Variants in LIPK observed in about 807,000 individuals in gnomAD.
The protein encoded by LIPK is lipase family member K.
In LIPK, 32 loss-of-function variants were observed where a neutral mutation model predicts 48.6. The observed-to-expected ratio is 0.66, with a 90% CI of 0.50 to 0.88. The LOEUF is 0.88. Ranked by LOEUF, LIPK falls within the 40% of genes least tolerant of loss-of-function variation. The pLI, the probability that LIPK is intolerant of heterozygous loss-of-function variation, is 0.00. For missense variants in LIPK, 507 were observed against 478.5 expected, an observed-to-expected ratio of 1.06 and a Z score of -0.56; for synonymous variants, 164 against 157.4, an observed-to-expected ratio of 1.04 and a Z score of -0.32.
intron 1 of LIPK, among the ~76,000 whole-genome samples, chr10:88,714,075 G>A (rs146688616): frequency 6.6e-6 from 1 of 152,044 alleles, no homozygotes; most frequent in East Asian, 1.9e-4. Context: ...CCAGTATCAC[G>A]GTAAATGGAG....
At chr10:88,734,354 G>A (rs1053337981) in intron 6 of LIPK, among the ~76,000 whole-genome samples, 1 of 152,140 alleles carries the variant, frequency 6.6e-6, no homozygotes, top group Non-Finnish European at 1.5e-5. Flanking sequence ...ACATTGAAGT[G>A]GTGAAGCTCA....
intron 7 of LIPK, among the ~76,000 whole-genome samples, chr10:88,738,536 C>T (rs1029910757): frequency 2.0e-5 from 3 of 152,188 alleles, no homozygotes; most frequent in Admixed American, 6.5e-5. Context: ...TAGCCATTGC[C>T]TTTCTATGTT....
intron 1 of LIPK, among the ~76,000 whole-genome samples, chr10:88,719,390 T>C (rs1363421411): frequency 6.6e-6 from 1 of 152,240 alleles, no homozygotes; most frequent in Non-Finnish European, 1.5e-5. Context: ...ACTGGGAAGC[T>C]AGTGATGGAG....
chr10:88,745,659 C>T (rs1351078205), intron 9 of LIPK, among the ~76,000 whole-genome samples: 3 of 152,120 alleles, frequency 2.0e-5, no homozygotes, highest in Non-Finnish European at 4.4e-5. Context: ...AGACTGGTAC[C>T]AGATACTACA....
intron 2 of LIPK, among the ~76,000 whole-genome samples, chr10:88,725,651 C>T (rs1842322580): frequency 6.6e-6 from 1 of 152,148 alleles, no homozygotes; most frequent in Non-Finnish European, 1.5e-5. Flanking sequence ...TGTTAATCTA[C>T]CTGAACATAA....
chr10:88,741,760 A>C (rs389089), intron 8 of LIPK, among the ~76,000 whole-genome samples: 147,003 of 152,236 alleles, frequency 0.97, 71,009 homozygotes, highest in East Asian at 1. Context: ...ATAGGTGTTA[A>C]CATAATCTTC....
At position 88,740,059 on chromosome 10, in the gene LIPK, T is replaced by C; in HGVS notation, c.880T>C (p.Trp294Arg). 2 of 1,558,964 alleles carry C rather than the reference T, an allele frequency of 1.3e-6. No individual in the cohort carries two copies. Among genetic ancestry groups the C allele is most frequent in the Non-Finnish European group, 1.7e-6 (2 of 1,145,084 alleles). Residue 294 changes from tryptophan to arginine, a missense_variant, in exon 8 of 10, where the codon TGG becomes CGG. Transcript: ENST00000404190. ...AGTSVQNMLH[W>R]AQAVNSGQLQ... ...AACATCTGTTCAGAATATGCTGCACTGGGCTCAGGTAAGTGCTTCTTATTC... is the reference window on the plus strand; with the variant it reads ...AACATCTGTTCAGAATATGCTGCACCGGGCTCAGGTAAGTGCTTCTTATTC...
At chr10:88,713,321 T>C (rs1214301418) in intron 1 of LIPK, among the ~76,000 whole-genome samples, 2 of 152,244 alleles carry the variant, frequency 1.3e-5, no homozygotes, top group African/African-American at 4.8e-5. Context: ...CATATAGTTA[T>C]TTCCAATTGT....
chr10:88,709,679 G>T (rs1401160883), intron 1 of LIPK, among the ~76,000 whole-genome samples: 1 of 151,560 alleles, frequency 6.6e-6, no homozygotes, highest in African/African-American at 2.4e-5. Flanking sequence ...ACTTGCAGAA[G>T]TTAAATGCCC....
At chr10:88,752,479 C>T in intron 9 of LIPK, 38 bp from the exon 10 acceptor site, 1 of 1,437,914 alleles carries the variant, frequency 7.0e-7, no homozygotes, top group Non-Finnish European at 9.5e-7. Flanking sequence ...ATGTAATATT[C>T]TGTAAAAACT....
At chr10:88,718,459 A>T (rs900171033) in intron 1 of LIPK, among the ~76,000 whole-genome samples, 1 of 151,544 alleles carries the variant, frequency 6.6e-6, no homozygotes, top group African/African-American at 2.4e-5. Context: ...TTTATTGTGC[A>T]TGTTGACATC....
In LIPK at chr10:88,743,143, TC is replaced by T. The variant is rs1303100668; in HGVS notation, c.889-106del. The T allele has an allele frequency of 6.5e-6, 4 of 619,718 alleles. No homozygotes were observed. The African/African-American group carries it at 7.4e-5, about 11-fold the overall frequency. 38.4% of individuals were successfully genotyped at this position (619,718 alleles called of 1,614,324 possible). A position where few individuals can be genotyped will look rare whatever the true frequency, so the allele number is the denominator to read the frequency against. Reference sequence around the variant, plus strand: ...TCTTTATTGAAATTTAGCTTATGTTTCTAAAGACTGGGGCATAATGTTAATC... The same window carrying T: ...TCTTTATTGAAATTTAGCTTATGTTTTAAAGACTGGGGCATAATGTTAATC... On this transcript the variant is annotated intron_variant, in intron 8 of 9. Coordinates refer to ENST00000404190, the MANE Select transcript of LIPK (RefSeq NM_001080518.2).
intron 6 of LIPK, among the ~76,000 whole-genome samples, chr10:88,735,332 C>T (rs1391319137): frequency 6.6e-6 from 1 of 152,106 alleles, no homozygotes; most frequent in Non-Finnish European, 1.5e-5. Flanking sequence ...TGATCCTTTG[C>T]TTTTGACGTG....
chr10:88,709,071 C>T (rs1204554934), intron 1 of LIPK, among the ~76,000 whole-genome samples: 2 of 152,250 alleles, frequency 1.3e-5, no homozygotes, highest in East Asian at 1.9e-4. Flanking sequence ...TGATGCTTTT[C>T]TTAATGACGT....
At chr10:88,747,763 G>T (rs1478428467) in intron 9 of LIPK, among the ~76,000 whole-genome samples, 4 of 152,208 alleles carry the variant, frequency 2.6e-5, no homozygotes, top group African/African-American at 9.6e-5. Flanking sequence ...AACAATAGAT[G>T]CTGGCGAGGC....
chr10:88,747,548 C>T (rs766458584), intron 9 of LIPK, among the ~76,000 whole-genome samples: 6 of 152,006 alleles, frequency 3.9e-5, no homozygotes, highest in Non-Finnish European at 8.8e-5. Context: ...ACAGAAAAGA[C>T]TCTTAAGAAA....
At chr10:88,706,676 T>C (rs1841941597) in intron 1 of LIPK, among the ~76,000 whole-genome samples, 1 of 152,192 alleles carries the variant, frequency 6.6e-6, no homozygotes, top group African/African-American at 2.4e-5. Flanking sequence ...AAATAATGTT[T>C]GGATAATGTT....
chr10:88,745,874 A>G (rs1333378462), intron 9 of LIPK, among the ~76,000 whole-genome samples: 1 of 152,198 alleles, frequency 6.6e-6, no homozygotes, highest in Non-Finnish European at 1.5e-5. Flanking sequence ...TATGCTGCCT[A>G]CCTGAGACCT....
chr10:88,728,204 C>A, intron 3 of LIPK: 1 of 200,764 alleles, frequency 5.0e-6, no homozygotes. Context: ...AGCTGCAGTC[C>A]CAGATCTCGG....
Sources: allele counts gnomAD v4.1 joint callset (sites outside exome capture counted in the v4.1 genomes callset), GRCh38; gene constraint gnomAD v4.1.1; transcripts MANE v1.5; gene names NCBI Gene and HGNC (gene_info 2026-07-23, HGNC 2026-07-21).